Variants in ADAMTS9 observed in about 807,000 individuals in gnomAD.
ADAMTS9 encodes the protein A disintegrin and metalloproteinase with thrombospondin motifs 9.
A neutral mutation model predicts 257.1 loss-of-function variants in ADAMTS9; 107 were observed. That is an observed-to-expected ratio of 0.42 (90% CI 0.36 to 0.49). The LOEUF (loss-of-function observed/expected upper bound fraction) is 0.49. ADAMTS9 is among the 20% of genes least tolerant of loss of function. ADAMTS9 has a pLI of 0.03. For synonymous variants in ADAMTS9, 982 were observed against 880.9 expected (o/e 1.11, Z -2.03); for missense variants, 2,353 against 2,469.1 (o/e 0.95, Z 1.00).
intron 27 of ADAMTS9, among the ~76,000 whole-genome samples, chr3:64,594,712 T>C (rs960552272): frequency 1.3e-5 from 2 of 152,214 alleles, no homozygotes; most frequent in East Asian, 1.9e-4. Flanking sequence ...ATTTGCCCCA[T>C]CTTATATATG....
chr3:64,524,905 T>C (rs2082891351), intron 38 of ADAMTS9, among the ~76,000 whole-genome samples: 2 of 152,188 alleles, frequency 1.3e-5, no homozygotes, highest in African/African-American at 4.8e-5. Context: ...TGCCATTCTC[T>C]CTGATTGGAG....
chr3:64,593,797 G>A (rs1351201279), intron 28 of ADAMTS9, among the ~76,000 whole-genome samples: 3 of 152,140 alleles, frequency 2.0e-5, no homozygotes, highest in Admixed American at 6.6e-5. Flanking sequence ...GTTCAGAGCT[G>A]TACCCGAGTC....
At chr3:64,519,008 C>A (rs2082817695) in intron 39 of ADAMTS9, among the ~76,000 whole-genome samples, 1 of 152,010 alleles carries the variant, frequency 6.6e-6, no homozygotes, top group Non-Finnish European at 1.5e-5. Flanking sequence ...AAACTCCTGA[C>A]CTCAAGTGAT....
chr3:64,602,976 T>C (rs368451042), intron 25 of ADAMTS9, among the ~76,000 whole-genome samples: 1 of 152,348 alleles, frequency 6.6e-6, no homozygotes, highest in African/African-American at 2.4e-5. Context: ...TTAGAGAAGA[T>C]GAACTGACGG....
At chr3:64,559,903 C>T (rs142787032) in intron 30 of ADAMTS9, among the ~76,000 whole-genome samples, 1 of 152,196 alleles carries the variant, frequency 6.6e-6, no homozygotes, top group Non-Finnish European at 1.5e-5. Context: ...TTGAGTTTAG[C>T]GTGACACAAA....
At chr3:64,618,895 A>C (rs1184828687) in intron 19 of ADAMTS9, among the ~76,000 whole-genome samples, 1 of 152,136 alleles carries the variant, frequency 6.6e-6, no homozygotes, top group Non-Finnish European at 1.5e-5. Context: ...CACTGTTTAC[A>C]TTTTATGTCT....
chr3:64,669,258 T>C (rs974601501), intron 3 of ADAMTS9, among the ~76,000 whole-genome samples: 1 of 152,224 alleles, frequency 6.6e-6, no homozygotes, highest in Non-Finnish European at 1.5e-5. Flanking sequence ...TGAGACAACT[T>C]CTTGAACAGT....
At chr3:64,641,547 A>G (rs997647412) in intron 12 of ADAMTS9, among the ~76,000 whole-genome samples, 2 of 138,110 alleles carry the variant, frequency 1.4e-5, no homozygotes, top group Non-Finnish European at 3.0e-5. Flanking sequence ...TTAAGCTCTG[A>G]GTGTAGCAGG....
chr3:64,622,992 C>G, intron 16 of ADAMTS9, among the ~76,000 whole-genome samples: 1 of 152,150 alleles, frequency 6.6e-6, no homozygotes, highest in East Asian at 1.9e-4. Context: ...CTAGACAAAT[C>G]TATATATACT....
At chr3:64,659,164 A>G (rs1233599312) in intron 3 of ADAMTS9, among the ~76,000 whole-genome samples, 4 of 152,186 alleles carry the variant, frequency 2.6e-5, no homozygotes, top group Non-Finnish European at 5.9e-5. Flanking sequence ...GTAGCTACAG[A>G]GCTCTGAAAA....
At chr3:64,545,126 G>A (rs140883789) in intron 32 of ADAMTS9, among the ~76,000 whole-genome samples, 501 of 152,328 alleles carry the variant, frequency 3.3e-3, no homozygotes, top group African/African-American at 0.011. Flanking sequence ...TGGAGAGGAT[G>A]TGGAGAAATA....
At chr3:64,607,804 A>C (rs1324507852) in intron 22 of ADAMTS9, among the ~76,000 whole-genome samples, 3 of 152,128 alleles carry the variant, frequency 2.0e-5, no homozygotes, top group Non-Finnish European at 4.4e-5. Context: ...GAAGCCACTC[A>C]ATTTTGGCAT....
rs140145786 is a variant in ADAMTS9, at chr3:64,608,610, C to T, written c.3355-1531G>A. Among the ~76,000 whole-genome samples, 10 of 152,020 alleles carry T rather than the reference C, an allele frequency of 6.6e-5. No individual in the cohort carries two copies. In the East Asian group the frequency reaches 7.7e-4, roughly 12 times the overall value. On this transcript the variant is annotated intron_variant, in intron 22 of 39. Transcript: ENST00000498707. ...CTCAAGAAGAAATAAAAAATATGAA[C>T]GGACATATAAGAAGTAAAATGACTG...
At chr3:64,530,350 T>C (rs1001004839) in intron 38 of ADAMTS9, among the ~76,000 whole-genome samples, 8 of 152,032 alleles carry the variant, frequency 5.3e-5, no homozygotes, top group African/African-American at 1.9e-4. Context: ...TCAGGTAGCA[T>C]TGCTAGGACA....
intron 23 of ADAMTS9, among the ~76,000 whole-genome samples, chr3:64,605,640 T>G (rs908759083): frequency 6.6e-6 from 1 of 152,146 alleles, no homozygotes; most frequent in African/African-American, 2.4e-5. Flanking sequence ...CAAACCCGAG[T>G]GTTCTCTTTA....
intron 28 of ADAMTS9, chr3:64,569,107 C>T (rs1022631380): frequency 6.5e-6 from 1 of 153,126 alleles, no homozygotes; most frequent in African/African-American, 2.4e-5. Context: ...GAGGCATTAC[C>T]TTTCAACTTT....
At chr3:64,626,473 AGC>A (rs1700224189) in intron 16 of ADAMTS9, among the ~76,000 whole-genome samples, 1 of 152,194 alleles carries the variant, frequency 6.6e-6, no homozygotes, top group Non-Finnish European at 1.5e-5. Flanking sequence ...AGTCTGCATG[AGC>A]CCTTGAGCAA....
chr3:64,530,526 TAAA>T (rs55726329), intron 38 of ADAMTS9, among the ~76,000 whole-genome samples: 3,580 of 116,522 alleles, frequency 0.031, 107 homozygotes, highest in East Asian at 0.075. Context: ...CACCAAGATT[TAAA>T]AAAAAAAAAA....
intron 28 of ADAMTS9, among the ~76,000 whole-genome samples, chr3:64,574,734 G>GCC (rs1559771898): frequency 8.2e-6 from 1 of 121,928 alleles, no homozygotes; most frequent in Non-Finnish European, 1.7e-5. Flanking sequence ...CACACACACC[G>GCC]CCCCCCTCCC....
Sources: gnomAD v4.1 joint callset for allele counts (sites outside exome capture counted in the v4.1 genomes callset) on GRCh38, gnomAD v4.1.1 for gene constraint, MANE v1.5 for transcripts, NCBI Gene and HGNC (gene_info 2026-07-23, HGNC 2026-07-21) for gene names.